Variants in TOP3A observed in about 807,000 individuals in gnomAD.
TOP3A encodes DNA topoisomerase III alpha, also known as DNA topoisomerase 3-alpha.
In TOP3A, 64 loss-of-function variants were observed where a neutral mutation model predicts 111.3. The observed-to-expected ratio is 0.57, with a 90% confidence interval of 0.47 to 0.71. TOP3A has a LOEUF of 0.71. Ranked by LOEUF, TOP3A falls within the 30% of genes least tolerant of loss-of-function variation. The pLI, the probability that TOP3A is intolerant of heterozygous loss-of-function variation, is 0.00. For missense variants in TOP3A, 1,104 were observed against 1,285.0 expected (o/e 0.86, Z 2.15); for synonymous variants, 484 against 485.1 (o/e 1.00, Z 0.03).
chr17:18,275,773 C>A (rs191344723), intron 18 of TOP3A, among the ~76,000 whole-genome samples: 4 of 151,722 alleles, frequency 2.6e-5, no homozygotes, highest in Admixed American at 2.6e-4. Flanking sequence ...CCTGTCTCAG[C>A]CTCCCGAGAG....
chr17:18,280,694 C>T (rs749366234), intron 16 of TOP3A, 36 bp from the exon 17 acceptor site: 41 of 1,609,290 alleles, frequency 2.5e-5, no homozygotes, highest in Middle Eastern at 1.6e-4. Flanking sequence ...GATAGGAGTG[C>T]AGGAGATGCT....
Position 18,296,043 on chromosome 17 carries a change from G to T in TOP3A, c.991-1258C>A, listed in dbSNP as rs548289212. Among the ~76,000 whole-genome samples, 3 of 152,074 alleles carry T rather than the reference G, an allele frequency of 2.0e-5. No individual in the cohort carries two copies. In the East Asian group the frequency reaches 5.8e-4, roughly 30 times the overall value. On this transcript the variant is annotated intron_variant, in intron 9 of 18. Transcript: ENST00000321105. ...AGCCTCCCAAAGTGCTGAGATTACA[G>T]GCGTGAGCCACTGCGCCCGGCCCGA...
chr17:18,305,099 C>T lies in TOP3A; in HGVS notation c.499+13G>A, dbSNP rs1331201242. 6.2e-7 allele frequency: 1 copy of T among 1,605,914 alleles called. No homozygotes were observed. ...CCAAAGTAGAGAAAGTCAGCAGCAG[C>T]AGCAGCACTTACCAGCCTTACACAC... On this transcript the variant is annotated intron_variant, in intron 5 of 18. Transcript: ENST00000321105.
intron 18 of TOP3A, among the ~76,000 whole-genome samples, chr17:18,276,368 CAA>C (rs1192782778): frequency 6.6e-6 from 1 of 152,184 alleles, no homozygotes; most frequent in Non-Finnish European, 1.5e-5. Context: ...AGTGGGGAGA[CAA>C]GAGGCCAGAC....
intron 13 of TOP3A, among the ~76,000 whole-genome samples, chr17:18,289,915 G>A (rs1980360554): frequency 6.6e-6 from 1 of 152,170 alleles, no homozygotes; most frequent in South Asian, 2.1e-4. Context: ...AGGTATTCCT[G>A]GACTAGGTTT....
chr17:18,281,545 C>T (rs1271965342), intron 16 of TOP3A, among the ~76,000 whole-genome samples: 1 of 152,122 alleles, frequency 6.6e-6, no homozygotes, highest in Non-Finnish European at 1.5e-5. Flanking sequence ...AATAACCTAC[C>T]GATAGCAAGG....
intron 10 of TOP3A, among the ~76,000 whole-genome samples, chr17:18,293,355 G>C (rs1980597839): frequency 6.7e-6 from 1 of 150,222 alleles, no homozygotes. Context: ...GCGCAAGCTT[G>C]GCTCACTGTG....
At chr17:18,293,393 C>T (rs1187464639) in intron 10 of TOP3A, among the ~76,000 whole-genome samples, 2 of 151,942 alleles carry the variant, frequency 1.3e-5, no homozygotes, top group Non-Finnish European at 2.9e-5. Context: ...TAAAGTGATC[C>T]TCCTGCCTCA....
chr17:18,301,030 C>T (rs1449672069), intron 8 of TOP3A, among the ~76,000 whole-genome samples: 1 of 152,232 alleles, frequency 6.6e-6, no homozygotes, highest in Non-Finnish European at 1.5e-5. Flanking sequence ...CAACACATAA[C>T]GAAGTGTACC....
intron 1 of TOP3A, among the ~76,000 whole-genome samples, chr17:18,309,468 C>A (rs1294047027): frequency 1.3e-5 from 2 of 152,056 alleles, no homozygotes; most frequent in Non-Finnish European, 2.9e-5. Context: ...CATGGTGAAA[C>A]CCCATCTCTA....
intron 1 of TOP3A, chr17:18,312,544 G>A (rs12949983): frequency 0.3 from 50,822 of 168,684 alleles, 8,047 homozygotes; most frequent in African/African-American, 0.35. Context: ...AAATTACAAC[G>A]ACATATGAGA....
rs919533200 is a variant in TOP3A, at chr17:18,271,486, C to T, written c.*3316G>A. 5 of 166,152 alleles carry T rather than the reference C, an allele frequency of 3.0e-5. No homozygotes were observed. The highest frequency in any genetic ancestry group is 6.6e-5 in the Non-Finnish European group (5 of 75,738). 10.3% of individuals were successfully genotyped at this position (166,152 alleles called of 1,614,324 possible). On this transcript the variant is annotated 3_prime_UTR_variant, in exon 19 of 19. Transcript: ENST00000321105. ...CTGACCGTAAGCCTTCACTAGAGAG[C>T]CTCAATATGAACAAGGACACCCCAT...
Position 18,272,584 on chromosome 17 carries a change from TATC to T in TOP3A, c.*2215_*2217del, listed in dbSNP as rs1343996278. On this transcript the variant is annotated 3_prime_UTR_variant, in exon 19 of 19. Transcript: ENST00000321105. ...ATATTCATACAGTGGGCTATCAGCT[TATC>T]ATAAACATCGAGGACTGACATGCTA... 1.2e-4 allele frequency among the ~76,000 whole-genome samples: 18 copies of T among 152,354 alleles called. No individual in the cohort carries two copies. The highest frequency in any genetic ancestry group is 3.4e-3 in the Middle Eastern group (1 of 294).
intron 11 of TOP3A, among the ~76,000 whole-genome samples, chr17:18,291,511 T>G (rs112673640): frequency 3.9e-5 from 6 of 152,198 alleles, no homozygotes; most frequent in Non-Finnish European, 8.8e-5. Flanking sequence ...TAATTCCCCT[T>G]CTAAGGATTT....
chr17:18,302,418 C>T lies in TOP3A; in HGVS notation c.660G>A (p.Arg220=). ...LDLRIGAAFT[R]FQTLRLQRIF... The stretch of plus-strand genomic sequence containing the variant: ...TCCTCTGAAGCCGCAGGGTCTGGAA[C>T]CTAGTAAAGGCAGCTCCTGGAGAGT... The change falls in exon 7 of 19, where the codon AGG becomes AGA. Residue 220 remains arginine (R), a synonymous_variant. Transcript: ENST00000321105. The T allele has an allele frequency of 6.2e-7, 1 of 1,609,556 alleles. No individual in the cohort carries two copies. Among genetic ancestry groups the T allele is most frequent in the Non-Finnish European group, 8.5e-7 (1 of 1,178,594 alleles).
At position 18,280,622 on chromosome 17, in the gene TOP3A, G is replaced by A. The variant is rs531598481; in HGVS notation, c.2058C>T (p.Arg686=). 11 of 1,614,136 alleles carry A rather than the reference G, an allele frequency of 6.8e-6. No homozygotes were observed. Among genetic ancestry groups the A allele is most frequent in the Middle Eastern group, 1.6e-4 (1 of 6,062 alleles). Residue 686 remains arginine (R), a synonymous_variant, in exon 17 of 19, where the codon CGC becomes CGT. Transcript: ENST00000321105. ...CCGAGTCAGGAAGCCACACAGCTGA[G>A]CGACACTCTGGGAAACCCATGCAGC... ...YLSCMGFPEC[R]SAVWLPDSVL... is the part of the protein sequence containing the mutation.
intron 3 of TOP3A, 52 bp from the exon 4 acceptor site, chr17:18,307,018 T>A (rs556751016): frequency 7.6e-7 from 1 of 1,322,864 alleles, no homozygotes; most frequent in African/African-American, 1.5e-5. Flanking sequence ...CAGAGAGCCC[T>A]CCAATCTAAT....
intron 17 of TOP3A, among the ~76,000 whole-genome samples, chr17:18,278,627 T>G (rs1203142522): frequency 6.6e-6 from 1 of 152,204 alleles, no homozygotes; most frequent in Non-Finnish European, 1.5e-5. Flanking sequence ...CATGTCTCTG[T>G]ATCAGCAGTT....
intron 11 of TOP3A, 142 bp downstream of exon 11, chr17:18,292,503 C>T (rs905566754): frequency 1.2e-6 from 1 of 823,600 alleles, no homozygotes; most frequent in Non-Finnish European, 1.8e-6. Flanking sequence ...TTATCAAAGC[C>T]AGGCAGAGGA....
Sources: allele counts gnomAD v4.1 joint callset (sites outside exome capture counted in the v4.1 genomes callset), GRCh38; gene constraint gnomAD v4.1.1; transcripts MANE v1.5; gene names NCBI Gene and HGNC (gene_info 2026-07-23, HGNC 2026-07-21).